The following RPS6KA2 variants were observed in gnomAD, a reference collection of about 807,000 sequenced individuals.
RPS6KA2 encodes ribosomal protein S6 kinase alpha-2.
RPS6KA2 carries 42 observed loss-of-function variants against 91.8 expected under a neutral mutation model. The ratio of observed to expected loss-of-function variants is 0.46; its 90% CI spans 0.36 to 0.59. The LOEUF (loss-of-function observed/expected upper bound fraction) is 0.59, where lower values mean the gene tolerates loss of function less well. RPS6KA2 is among the 20% of genes least tolerant of loss of function. The probability of loss-of-function intolerance (pLI) is 0.00; values close to 1 mark genes in which losing one functional copy is unlikely to be tolerated. For synonymous variants in RPS6KA2, 414 were observed against 393.6 expected (o/e 1.05, Z -0.61); for missense variants, 798 against 978.5 (o/e 0.82, Z 2.46).
At chr6:166,647,920 TCACA>T (rs371612456) in intron 2 of RPS6KA2, among the ~76,000 whole-genome samples, 1 of 90,168 alleles carries the variant, frequency 1.1e-5, no homozygotes, top group Non-Finnish European at 2.4e-5. Flanking sequence ...ATGCACATGC[TCACA>T]CACACGCACA....
At chr6:166,637,374 G>A (rs1382968052) in intron 2 of RPS6KA2, among the ~76,000 whole-genome samples, 1 of 152,260 alleles carries the variant, frequency 6.6e-6, no homozygotes, top group Non-Finnish European at 1.5e-5. Context: ...GGCTGGGGAA[G>A]AGAGGAGATC....
chr6:166,415,279 G>A (rs886967536), intron 19 of RPS6KA2, among the ~76,000 whole-genome samples: 4 of 152,124 alleles, frequency 2.6e-5, no homozygotes, highest in African/African-American at 9.7e-5. Context: ...TCATTTTCAG[G>A]TGTAAAAACA....
intron 2 of RPS6KA2, among the ~76,000 whole-genome samples, chr6:166,856,740 G>A (rs1267378222): frequency 6.6e-6 from 1 of 152,202 alleles, no homozygotes; most frequent in Non-Finnish European, 1.5e-5. Context: ...GAGACCTTTG[G>A]CCTTATGAAT....
At position 166,462,771 on chromosome 6, in the gene RPS6KA2, C is replaced by T. The variant is rs538996196; in HGVS notation, c.973-3220G>A. 3.2e-4 allele frequency among the ~76,000 whole-genome samples: 48 copies of T among 152,342 alleles called. No individual in the cohort carries two copies. In the South Asian group the frequency reaches 5.0e-3, roughly 16 times the overall value. ...TGCTTTCCCCGTGCTTTCCACCCCT[C>T]GGCTGTGAGCCCAGGCTTTCAGCTC... On this transcript the variant is annotated intron_variant, in intron 11 of 20. Transcript: ENST00000265678.
At position 166,839,684 on chromosome 6, in the gene RPS6KA2, A is replaced by AGGGCAGGG. The variant is rs1360878613; in HGVS notation, c.123+18515_123+18516insCCCTGCCC. The stretch of plus-strand genomic sequence containing the variant: ...AGAGGGAGGTGGAAATCAGAGCAGG[A>AGGGCAGGG]GAGGAGAGGGGAGGAGAGGAGAGGA... On this transcript the variant is annotated intron_variant, in intron 2 of 21. Transcript: ENST00000503859. Among the ~76,000 whole-genome samples the AGGGCAGGG allele has an allele frequency of 3.4e-4, 8 of 23,862 alleles. No homozygotes were observed. The East Asian group carries it at 0.015, about 45-fold the overall frequency. The allele number at this position is 23,862 out of a possible 152,430, so 15.7% of individuals were successfully genotyped here.
At chr6:166,565,320 A>C (rs1258538167) in intron 1 of RPS6KA2, among the ~76,000 whole-genome samples, 1 of 152,206 alleles carries the variant, frequency 6.6e-6, no homozygotes, top group Non-Finnish European at 1.5e-5. Context: ...GCTTTAACGA[A>C]GCCCTGAGCT....
rs539725357 is a variant in RPS6KA2 at position 166,654,039 on chromosome 6, A to G, written c.124-115255T>C. ...CATTTCTCAACTGTGAAACTAGGGAAGACTAACCAGATGTGATAGCACACT... is the reference window on the plus strand; with the variant it reads ...CATTTCTCAACTGTGAAACTAGGGAGGACTAACCAGATGTGATAGCACACT... On this transcript the variant is annotated intron_variant, in intron 2 of 21. Transcript: ENST00000503859. Among the ~76,000 whole-genome samples the G allele has an allele frequency of 1.2e-4, 18 of 152,356 alleles. No individual in the cohort carries two copies. The East Asian group carries it at 3.1e-3, about 26-fold the overall frequency.
intron 3 of RPS6KA2, among the ~76,000 whole-genome samples, chr6:166,525,653 T>G (rs1028595640): frequency 1.3e-5 from 2 of 152,246 alleles, no homozygotes; most frequent in Non-Finnish European, 2.9e-5. Context: ...AAATGACTTC[T>G]GCAGGTCTCC....
chr6:166,504,143 T>A (rs938882928), intron 6 of RPS6KA2, among the ~76,000 whole-genome samples: 4 of 152,194 alleles, frequency 2.6e-5, no homozygotes, highest in East Asian at 1.9e-4. Flanking sequence ...TGGTCCCCAG[T>A]GGCCAGATGA....
At chr6:166,432,544 G>C (rs943793397) in intron 14 of RPS6KA2, 54 bp from the exon 15 acceptor site, 12 of 1,096,218 alleles carry the variant, frequency 1.1e-5, no homozygotes, top group Middle Eastern at 2.0e-4. Context: ...CTTTCGGGTG[G>C]TATCTGCTGG....
In RPS6KA2 at chr6:166,495,658, G is replaced by A. The variant is rs1203265558; in HGVS notation, c.747+2850C>T. ...TGGCCAGGTGCAGGCACTTTTGTCT[G>A]TGCTGGGGCATCTTGGGTAAGGTGA... On this transcript the variant is annotated intron_variant, in intron 8 of 20. Transcript: ENST00000265678. The surrounding 1 kb of genome is among the most constrained non-coding windows in gnomAD (Gnocchi z 4.4). Among the ~76,000 whole-genome samples the A allele has an allele frequency of 6.6e-6, 1 of 152,214 alleles. No individual in the cohort carries two copies. The highest frequency in any genetic ancestry group is 1.5e-5 in the Non-Finnish European group (1 of 68,046).
chr6:166,615,789 G>C (rs557397512), intron 1 of RPS6KA2, among the ~76,000 whole-genome samples: 4 of 152,056 alleles, frequency 2.6e-5, no homozygotes, highest in Non-Finnish European at 2.9e-5. Context: ...CCCCAGGATG[G>C]GCGCTCTGTC....
chr6:166,613,455 T>G (rs1308720029), intron 1 of RPS6KA2, among the ~76,000 whole-genome samples: 2 of 152,366 alleles, frequency 1.3e-5, no homozygotes, highest in African/African-American at 4.8e-5. Flanking sequence ...AGGAGAGCTC[T>G]GACCTGCCTC....
intron 2 of RPS6KA2, among the ~76,000 whole-genome samples, chr6:166,721,242 C>T (rs144737288): frequency 2.4e-3 from 360 of 152,282 alleles, no homozygotes; most frequent in African/African-American, 7.9e-3. Context: ...ATCGGGGGTG[C>T]GACTGAGGGT....
intron 3 of RPS6KA2, among the ~76,000 whole-genome samples, chr6:166,516,404 G>A (rs1300310319): frequency 2.0e-5 from 3 of 152,180 alleles, no homozygotes; most frequent in African/African-American, 7.2e-5. Context: ...ACGAATGCAG[G>A]CAGGCTCTGC....
intron 2 of RPS6KA2, among the ~76,000 whole-genome samples, chr6:166,634,125 C>T (rs1251804594): frequency 4.6e-5 from 7 of 152,256 alleles, no homozygotes; most frequent in East Asian, 3.9e-4. Context: ...AAGCCAAGGA[C>T]GACAGGGACA....
At chr6:166,842,129 C>T (rs1780498026) in intron 2 of RPS6KA2, among the ~76,000 whole-genome samples, 1 of 152,216 alleles carries the variant, frequency 6.6e-6, no homozygotes, top group Admixed American at 6.5e-5. Context: ...AGCAGGTTCT[C>T]TCGCAAAGAC....
intron 3 of RPS6KA2, among the ~76,000 whole-genome samples, chr6:166,515,133 G>A (rs1782603624): frequency 6.6e-6 from 1 of 152,204 alleles, no homozygotes; most frequent in Non-Finnish European, 1.5e-5. Context: ...GAGAGAGGAT[G>A]CACCATGATG....
At chr6:166,613,327 A>G (rs1786258678) in intron 1 of RPS6KA2, among the ~76,000 whole-genome samples, 1 of 152,268 alleles carries the variant, frequency 6.6e-6, no homozygotes, top group South Asian at 2.1e-4. Context: ...TTAAGACTTC[A>G]GTGAAGCAAA....
Sources: allele counts gnomAD v4.1 joint callset (sites outside exome capture counted in the v4.1 genomes callset), GRCh38; gene constraint gnomAD v4.1.1; non-coding constraint Gnocchi (gnomAD v3.1); transcripts MANE v1.5; gene names NCBI Gene and HGNC (gene_info 2026-07-23, HGNC 2026-07-21).